The following HYDIN variants were observed in gnomAD, a reference collection of about 807,000 sequenced individuals.
HYDIN encodes HYDIN axonemal central pair apparatus protein, also known as axonemal central pair apparatus protein HYDIN.
A neutral mutation model predicts 403.9 loss-of-function variants in HYDIN; 132 were observed. The observed-to-expected ratio is 0.33, with a 90% CI of 0.28 to 0.38. HYDIN has a LOEUF of 0.38. HYDIN is among the 10% of genes least tolerant of loss of function. The pLI is 1.00. For synonymous variants in HYDIN, 1,202 were observed against 1,891.7 expected (o/e 0.64, Z 9.46); for missense variants, 2,827 against 5,009.5 (o/e 0.56, Z 13.15).
chr16:71,118,062 A>T (rs1354633213), intron 9 of HYDIN, among the ~76,000 whole-genome samples: 1 of 152,110 alleles, frequency 6.6e-6, no homozygotes, highest in African/African-American at 2.4e-5. Flanking sequence ...GAAGTCAAGT[A>T]CTTCTTCCTC....
At chr16:71,059,584 C>G (rs2082014640) in intron 18 of HYDIN, among the ~76,000 whole-genome samples, 1 of 151,466 alleles carries the variant, frequency 6.6e-6, no homozygotes, top group African/African-American at 2.4e-5. Flanking sequence ...AACAGAAAAC[C>G]AAATGTCACA....
chr16:71,158,086 AG>A (rs916384305), intron 6 of HYDIN, among the ~76,000 whole-genome samples: 2 of 152,022 alleles, frequency 1.3e-5, no homozygotes, highest in South Asian at 2.1e-4. Flanking sequence ...CTGAGCCAGG[AG>A]GCTAGGAAGG....
At chr16:71,145,466 G>T (rs1265946973) in intron 7 of HYDIN, among the ~76,000 whole-genome samples, 1 of 152,118 alleles carries the variant, frequency 6.6e-6, no homozygotes. Flanking sequence ...TATTGGCCAG[G>T]ATGGTCTCGA....
At chr16:71,211,395 C>T (rs1254140426) in intron 1 of HYDIN, among the ~76,000 whole-genome samples, 1 of 150,166 alleles carries the variant, frequency 6.7e-6, no homozygotes, top group African/African-American at 2.5e-5. Flanking sequence ...AATCCCAGCA[C>T]TTTGGGAGGC....
intron 28 of HYDIN, among the ~76,000 whole-genome samples, chr16:70,982,077 G>A (rs974998046): frequency 2.9e-4 from 42 of 146,632 alleles, no homozygotes; most frequent in Non-Finnish European, 3.4e-4. Context: ...GCAGTGAGCC[G>A]AGATCGCGCC....
At chr16:71,216,817 G>A (rs2088904876) in intron 1 of HYDIN, among the ~76,000 whole-genome samples, 2 of 152,126 alleles carry the variant, frequency 1.3e-5, no homozygotes, top group African/African-American at 2.4e-5. Context: ...CCTGGACATC[G>A]GTATTTTCAA....
intron 1 of HYDIN, among the ~76,000 whole-genome samples, chr16:71,197,889 A>G (rs143501108): frequency 6.6e-6 from 1 of 152,318 alleles, no homozygotes; most frequent in East Asian, 1.9e-4. Flanking sequence ...CTGGGATTAC[A>G]GGCATCTGCC....
intron 40 of HYDIN, among the ~76,000 whole-genome samples, chr16:70,954,712 C>T (rs372911136): frequency 5.3e-5 from 8 of 152,296 alleles, no homozygotes; most frequent in Middle Eastern, 3.4e-3. Context: ...GCTTCACTAT[C>T]GCTTCCTTTA....
rs141338194 is a variant in HYDIN, at chr16:70,991,891, T to C, written c.3785+179A>G. 4.3e-4 allele frequency among the ~76,000 whole-genome samples: 66 copies of C among 152,246 alleles called. 1 individual carries two copies. Among genetic ancestry groups the C allele is most frequent in the African/African-American group, 1.5e-3 (64 of 41,542 alleles). On this transcript the variant is annotated intron_variant, in intron 24 of 85. Transcript: ENST00000393567. ...GAAGGGCTCAGTCCCCCAGGACTCA[T>C]GATGGTACCCTCTCCCTATCCCAGA...
chr16:71,079,831 C>T (rs111248861), intron 13 of HYDIN, 54 bp downstream of exon 13: 11 of 787,004 alleles, frequency 1.4e-5, no homozygotes, highest in South Asian at 7.6e-5. Flanking sequence ...CCTCCTTCCA[C>T]GTAGAGAAAA....
At chr16:71,188,635 G>T (rs1191049308) in intron 1 of HYDIN, among the ~76,000 whole-genome samples, 1 of 152,100 alleles carries the variant, frequency 6.6e-6, no homozygotes, top group African/African-American at 2.4e-5. Flanking sequence ...AGAAATTATG[G>T]GAGATGCAAG....
At chr16:70,892,964 G>C (rs2041563117) in intron 55 of HYDIN, among the ~76,000 whole-genome samples, 1 of 152,162 alleles carries the variant, frequency 6.6e-6, no homozygotes, top group Non-Finnish European at 1.5e-5. Flanking sequence ...ACTGGGGAGG[G>C]AAGCCCATGG....
At chr16:70,822,473 T>C (rs1362335124) in intron 83 of HYDIN, among the ~76,000 whole-genome samples, 1 of 152,120 alleles carries the variant, frequency 6.6e-6, no homozygotes, top group Admixed American at 6.5e-5. Context: ...ATTGTTGAAA[T>C]GACAACAAAG....
At chr16:70,837,000 G>A (rs1264205624) in intron 77 of HYDIN, among the ~76,000 whole-genome samples, 1 of 152,220 alleles carries the variant, frequency 6.6e-6, no homozygotes, top group African/African-American at 2.4e-5. Context: ...CCCCTCCCCT[G>A]GTTGCCGAAA....
intron 4 of HYDIN, chr16:71,175,976 A>G: frequency 1.9e-6 from 1 of 529,816 alleles, no homozygotes; most frequent in East Asian, 3.5e-5. Context: ...TTTTATTATT[A>G]TTACAAGTCT....
At chr16:71,050,475 C>T (rs936584959) in intron 18 of HYDIN, among the ~76,000 whole-genome samples, 2 of 151,488 alleles carry the variant, frequency 1.3e-5, no homozygotes, top group African/African-American at 2.4e-5. Context: ...AAAAATCAAC[C>T]AACTATTTTG....
chr16:71,092,610 T>C (rs8053327), intron 11 of HYDIN, among the ~76,000 whole-genome samples: 70,014 of 149,532 alleles, frequency 0.47, 18,756 homozygotes, highest in East Asian at 0.72. Flanking sequence ...AGACAGAGTC[T>C]CACTCTGTTG....
chr16:70,851,301 G>C (rs1450348998), intron 73 of HYDIN, among the ~76,000 whole-genome samples: 1 of 150,796 alleles, frequency 6.6e-6, no homozygotes, highest in Non-Finnish European at 1.5e-5. Flanking sequence ...CTACAGAATG[G>C]GAGGAATTAT....
chr16:70,822,409 C>G (rs2036326465), intron 83 of HYDIN, among the ~76,000 whole-genome samples: 1 of 151,578 alleles, frequency 6.6e-6, no homozygotes, highest in South Asian at 2.1e-4. Flanking sequence ...TATGGATGAG[C>G]AAAGGAAGTG....
Sources: gnomAD v4.1 joint callset for allele counts (sites outside exome capture counted in the v4.1 genomes callset) on GRCh38, gnomAD v4.1.1 for gene constraint, MANE v1.5 for transcripts, NCBI Gene and HGNC (gene_info 2026-07-23, HGNC 2026-07-21) for gene names.